CEP112: variants seen among roughly 807,000 people sequenced by gnomAD.
CEP112 encodes the protein centrosomal protein of 112 kDa.
Under a neutral mutation model 153.0 loss-of-function variants are expected in CEP112, and 127 were observed. That is an observed-to-expected ratio of 0.83 (90% CI 0.72 to 0.96). The LOEUF (loss-of-function observed/expected upper bound fraction) is 0.96, where lower values mean the gene tolerates loss of function less well. CEP112 is among the 40% of genes least tolerant of loss of function. CEP112 has a pLI of 0.00. For synonymous variants in CEP112, 358 were observed against 374.4 expected, an observed-to-expected ratio of 0.96 and a Z score of 0.51; for missense variants, 1,089 against 1,101.2, an observed-to-expected ratio of 0.99 and a Z score of 0.16.
intron 18 of CEP112, among the ~76,000 whole-genome samples, chr17:65,937,079 A>G (rs1010752036): frequency 6.7e-6 from 1 of 148,790 alleles, no homozygotes; most frequent in African/African-American, 2.5e-5. Flanking sequence ...CGGCCTCCCG[A>G]GGTGCCAGGA....
intron 19 of CEP112, chr17:65,913,420 T>C (rs986789396): frequency 2.5e-6 from 2 of 808,874 alleles, no homozygotes; most frequent in Non-Finnish European, 3.0e-6. Context: ...AGATACATTT[T>C]AGCACAGAAA....
chr17:66,126,725 G>T (rs1347735430), intron 6 of CEP112, among the ~76,000 whole-genome samples: 1 of 152,114 alleles, frequency 6.6e-6, no homozygotes, highest in Admixed American at 6.5e-5. Context: ...TTGGGAATTT[G>T]ATTTCTGGGA....
intron 20 of CEP112, among the ~76,000 whole-genome samples, chr17:65,881,919 A>C (rs34148933): frequency 6.6e-5 from 10 of 152,226 alleles, no homozygotes. Flanking sequence ...TCACTGCGGA[A>C]TCAGTAGCAC....
intron 21 of CEP112, among the ~76,000 whole-genome samples, chr17:65,759,113 A>C (rs2052457438): frequency 1.3e-5 from 2 of 152,044 alleles, no homozygotes; most frequent in African/African-American, 2.4e-5. Flanking sequence ...TTGCTGCTAC[A>C]CTCCCACTGG....
At chr17:65,758,966 C>G (rs1361666285) in intron 21 of CEP112, among the ~76,000 whole-genome samples, 2 of 152,028 alleles carry the variant, frequency 1.3e-5, no homozygotes, top group African/African-American at 4.8e-5. Flanking sequence ...TTAAGGCAGT[C>G]GAAGTCACAG....
At chr17:65,760,014 T>G (rs1383744003) in intron 21 of CEP112, among the ~76,000 whole-genome samples, 2 of 152,180 alleles carry the variant, frequency 1.3e-5, no homozygotes, top group African/African-American at 2.4e-5. Flanking sequence ...TAGTTAATTT[T>G]GGGGGTACTA....
chr17:65,910,925 C>T (rs887746578), intron 19 of CEP112, among the ~76,000 whole-genome samples: 3 of 152,148 alleles, frequency 2.0e-5, no homozygotes, highest in African/African-American at 7.2e-5. Flanking sequence ...CAAAAAAACA[C>T]TTGGGGATAA....
At chr17:65,963,368 T>C (rs1030171717) in intron 17 of CEP112, among the ~76,000 whole-genome samples, 3 of 152,208 alleles carry the variant, frequency 2.0e-5, no homozygotes, top group African/African-American at 7.2e-5. Flanking sequence ...ATGCAATCTT[T>C]TAAGACTTGG....
Position 66,060,894 on chromosome 17 carries a change from G to GAA in CEP112, c.1074+2067_1074+2068dup, listed in dbSNP as rs34601457. 2.3e-3 allele frequency among the ~76,000 whole-genome samples: 329 copies of GAA among 141,278 alleles called. 4 individuals are homozygous for GAA. The highest frequency in any genetic ancestry group is 6.5e-3 in the African/African-American group (251 of 38,570). 92.7% of individuals were successfully genotyped at this position (141,278 alleles called of 152,430 possible). ...TCAAAGCACAGGCAACAAAAGCAAG[G>GAA]AAAAAAAAAAAGACAAATGGGATTA... On this transcript the variant is annotated intron_variant, in intron 11 of 26. Transcript: ENST00000535342.
chr17:65,768,055 A>G (rs1463117365), intron 21 of CEP112, among the ~76,000 whole-genome samples: 2 of 152,064 alleles, frequency 1.3e-5, no homozygotes, highest in African/African-American at 2.4e-5. Context: ...CCACCCCCCA[A>G]ATGCAGTCAA....
chr17:66,158,891 C>CA (rs1287366981), intron 4 of CEP112, among the ~76,000 whole-genome samples: 1 of 152,026 alleles, frequency 6.6e-6, no homozygotes, highest in Non-Finnish European at 1.5e-5. Context: ...AAAAACCCTT[C>CA]AAAAAATCAA....
intron 24 of CEP112, among the ~76,000 whole-genome samples, chr17:65,686,691 T>C (rs1002991553): frequency 1.3e-5 from 2 of 152,206 alleles, no homozygotes; most frequent in African/African-American, 4.8e-5. Flanking sequence ...CATTTTCATC[T>C]CTTTGACTTG....
intron 24 of CEP112, among the ~76,000 whole-genome samples, chr17:65,651,653 CTCTT>C (rs1030776664): frequency 1.3e-4 from 19 of 151,538 alleles, no homozygotes; most frequent in African/African-American, 4.4e-4. Flanking sequence ...CTCTTTCTTT[CTCTT>C]TCTTTCTCCT....
chr17:65,663,938 C>T (rs1218512441), intron 24 of CEP112, among the ~76,000 whole-genome samples: 2 of 152,082 alleles, frequency 1.3e-5, no homozygotes, highest in Non-Finnish European at 2.9e-5. Flanking sequence ...CCCAGCTACT[C>T]GGCAGGCTGA....
intron 23 of CEP112, among the ~76,000 whole-genome samples, chr17:65,715,086 A>G (rs901125433): frequency 2.6e-5 from 4 of 152,202 alleles, no homozygotes; most frequent in African/African-American, 9.7e-5. Flanking sequence ...AAAGGAAAAG[A>G]GTAATACAGA....
rs1053870435 is a variant in CEP112, at chr17:66,161,417, G to A, written c.470+13627C>T. ...TTTCTGCACTGTTCACAATAGCAAAGAATTGGAACCAACCCAAATGCCCAT... is the reference window on the plus strand; with the variant it reads ...TTTCTGCACTGTTCACAATAGCAAAAAATTGGAACCAACCCAAATGCCCAT... On this transcript the variant is annotated intron_variant, in intron 4 of 26. Coordinates refer to ENST00000535342, the MANE Select transcript of CEP112 (RefSeq NM_001199165.4). Among the ~76,000 whole-genome samples, 8 of 152,214 alleles carry A rather than the reference G, an allele frequency of 5.3e-5. No individual in the cohort carries two copies. In the South Asian group the frequency reaches 1.5e-3, roughly 28 times the overall value.
intron 20 of CEP112, among the ~76,000 whole-genome samples, chr17:65,882,082 G>T (rs966390814): frequency 3.3e-5 from 5 of 152,190 alleles, no homozygotes; most frequent in Admixed American, 6.5e-5. Flanking sequence ...AACATTAAAG[G>T]AGTAATAAAG....
At chr17:65,696,150 C>A (rs1467682157) in intron 23 of CEP112, among the ~76,000 whole-genome samples, 2 of 152,148 alleles carry the variant, frequency 1.3e-5, no homozygotes, top group Admixed American at 1.3e-4. Context: ...CGCATTCTTG[C>A]CCCCTTTTAG....
chr17:66,175,766 A>C (rs1473380053), intron 3 of CEP112, among the ~76,000 whole-genome samples: 1 of 152,216 alleles, frequency 6.6e-6, no homozygotes, highest in Non-Finnish European at 1.5e-5. Context: ...TTATTTGTTA[A>C]ATAAAGCCCT....
Sources: allele counts gnomAD v4.1 joint callset (sites outside exome capture counted in the v4.1 genomes callset), GRCh38; gene constraint gnomAD v4.1.1; transcripts MANE v1.5; gene names NCBI Gene and HGNC (gene_info 2026-07-23, HGNC 2026-07-21).